SDK1: variants seen among roughly 807,000 people sequenced by gnomAD.
SDK1 encodes protein sidekick-1.
In SDK1, 157 loss-of-function variants were observed where a neutral mutation model predicts 245.5. That is an observed-to-expected ratio of 0.64 (90% CI 0.56 to 0.73). The LOEUF (loss-of-function observed/expected upper bound fraction) is 0.73. Among genes scored for constraint, SDK1 ranks in the 30% least tolerant of loss-of-function variants. SDK1 has a pLI of 0.00. For synonymous variants in SDK1, 1,647 were observed against 1,278.5 expected, an observed-to-expected ratio of 1.29 and a Z score of -6.15; for missense variants, 3,583 against 3,002.3, an observed-to-expected ratio of 1.19 and a Z score of -4.52.
At chr7:3,699,705 G>C (rs1340964171) in intron 4 of SDK1, among the ~76,000 whole-genome samples, 1 of 152,146 alleles carries the variant, frequency 6.6e-6, no homozygotes. Flanking sequence ...AAAGAGGGTA[G>C]AGTTGAAGAA....
intron 4 of SDK1, 133 bp downstream of exon 4, chr7:3,642,238 A>G: frequency 4.2e-6 from 3 of 712,394 alleles, no homozygotes; most frequent in East Asian, 2.9e-5. Flanking sequence ...GTCCTATCCT[A>G]ATTTTTAATA....
At chr7:3,985,700 C>A (rs369100435) in intron 13 of SDK1, among the ~76,000 whole-genome samples, 8 of 152,156 alleles carry the variant, frequency 5.3e-5, no homozygotes, top group African/African-American at 1.9e-4. Flanking sequence ...GAAAACAAGA[C>A]GACATCCTGG....
At chr7:3,952,703 AAG>A (rs1269634395) in intron 7 of SDK1, among the ~76,000 whole-genome samples, 2 of 152,142 alleles carry the variant, frequency 1.3e-5, no homozygotes, top group Non-Finnish European at 2.9e-5. Flanking sequence ...TAAAAAAAAA[AAG>A]AGAACAGAGA....
intron 4 of SDK1, among the ~76,000 whole-genome samples, chr7:3,758,179 C>T (rs913349556): frequency 1.3e-5 from 2 of 152,180 alleles, no homozygotes; most frequent in African/African-American, 2.4e-5. Flanking sequence ...AATAAATATT[C>T]TGAGGGATAT....
chr7:3,332,341 G>T (rs528603398), intron 1 of SDK1, among the ~76,000 whole-genome samples: 2 of 152,168 alleles, frequency 1.3e-5, no homozygotes, highest in East Asian at 3.9e-4. Context: ...TAATGTCAGT[G>T]CCGTCAGTTG....
At chr7:4,113,982 G>A (rs192474845) in intron 24 of SDK1, 55 bp from the exon 25 acceptor site, 18 of 1,494,050 alleles carry the variant, frequency 1.2e-5, no homozygotes, top group African/African-American at 5.5e-5. Flanking sequence ...CTTACAACCC[G>A]TGAGGGTGGC....
chr7:4,114,270 G>C lies in SDK1; in HGVS notation c.3819G>C (p.Glu1273Asp), dbSNP rs1424485417. 1 of 1,598,610 alleles carries C rather than the reference G, an allele frequency of 6.3e-7. No individual in the cohort carries two copies. The highest frequency in any genetic ancestry group is 8.5e-7 in the Non-Finnish European group (1 of 1,173,674). The change falls in exon 25 of 45, where the codon GAG (glutamate) becomes GAC (aspartate). Residue 1273 changes from glutamate to aspartate, a missense_variant. Glu to Asp is a conservative substitution (Grantham distance 45, BLOSUM62 2). Transcript: ENST00000404826. ...AGGTGGTGCGGGGCCGGACGCGGGA[G>C]TCAGGTGAGGGGAAGGCGATTCCCA... ...WSEVVRGRTR[E>D]SVPSAAPENV...
intron 5 of SDK1, among the ~76,000 whole-genome samples, chr7:3,848,221 A>G (rs1261484719): frequency 6.6e-6 from 1 of 152,264 alleles, no homozygotes; most frequent in Non-Finnish European, 1.5e-5. Context: ...TTGGAAACGC[A>G]TCTCTTAACG....
intron 1 of SDK1, among the ~76,000 whole-genome samples, chr7:3,483,141 G>A (rs1403073818): frequency 6.6e-6 from 1 of 152,140 alleles, no homozygotes; most frequent in Non-Finnish European, 1.5e-5. Flanking sequence ...GAAAAATCAT[G>A]TTTGAATTTT....
intron 22 of SDK1, among the ~76,000 whole-genome samples, chr7:4,086,954 C>T (rs956172959): frequency 1.3e-5 from 2 of 151,508 alleles, no homozygotes; most frequent in Admixed American, 6.6e-5. Context: ...ACTTCCCAGA[C>T]ATTGCCAAAT....
intron 19 of SDK1, among the ~76,000 whole-genome samples, chr7:4,059,491 CT>C (rs1478650275): frequency 3.9e-5 from 6 of 152,166 alleles, no homozygotes; most frequent in Non-Finnish European, 7.4e-5. Context: ...TACAATAATA[CT>C]TGGGGACTTT....
chr7:3,917,799 T>C (rs1779437283), intron 5 of SDK1, among the ~76,000 whole-genome samples: 1 of 152,192 alleles, frequency 6.6e-6, no homozygotes, highest in Non-Finnish European at 1.5e-5. Context: ...GCACATTATC[T>C]ACACACATGC....
At chr7:4,187,674 A>T in intron 35 of SDK1, among the ~76,000 whole-genome samples, 1 of 152,214 alleles carries the variant, frequency 6.6e-6, no homozygotes, top group Non-Finnish European at 1.5e-5. Flanking sequence ...ATGTTAGAAG[A>T]GTTTATTCGA....
In SDK1 at chr7:4,247,581, G is replaced by T. The variant is rs147186397; in HGVS notation, c.6381+1776G>T. On this transcript the variant is annotated intron_variant, in intron 44 of 44. Coordinates refer to ENST00000404826, the MANE Select transcript of SDK1 (RefSeq NM_152744.4). ...TCAGCAAAGAGGCTCATCTCACAGC[G>T]CCGGCCTCGGGCCTGTCCCTGCTGC... 3.0e-3 allele frequency among the ~76,000 whole-genome samples: 457 copies of T among 152,352 alleles called. 4 individuals are homozygous for T. The highest frequency in any genetic ancestry group is 0.011 in the African/African-American group (437 of 41,574).
intron 1 of SDK1, among the ~76,000 whole-genome samples, chr7:3,398,739 A>G (rs995575760): frequency 2.7e-5 from 4 of 146,792 alleles, no homozygotes; most frequent in African/African-American, 1.0e-4. Flanking sequence ...ATGAAAGTGT[A>G]TGGGTCCCCT....
intron 1 of SDK1, among the ~76,000 whole-genome samples, chr7:3,399,714 C>T (rs1262139635): frequency 6.6e-6 from 1 of 152,064 alleles, no homozygotes; most frequent in African/African-American, 2.4e-5. Flanking sequence ...TGATTGGACA[C>T]AAATCCCTTT....
At chr7:3,445,732 T>G (rs1277602294) in intron 1 of SDK1, among the ~76,000 whole-genome samples, 1 of 152,170 alleles carries the variant, frequency 6.6e-6, no homozygotes, top group Non-Finnish European at 1.5e-5. Context: ...ATATTTCTTC[T>G]ACACACATTA....
At chr7:3,586,767 A>G (rs554381981) in intron 1 of SDK1, among the ~76,000 whole-genome samples, 2 of 151,560 alleles carry the variant, frequency 1.3e-5, no homozygotes, top group East Asian at 3.9e-4. Context: ...CTAAGGACAG[A>G]GTAGCCTTAA....
At chr7:3,485,683 G>GTGTTTTTTTTT (rs1781665779) in intron 1 of SDK1, among the ~76,000 whole-genome samples, 1 of 38,178 alleles carries the variant, frequency 2.6e-5, no homozygotes, top group Non-Finnish European at 4.5e-5. Context: ...TCTTTGGAGG[G>GTGTTTTTTTTT]TTTTTTTTTT....
Sources: gnomAD v4.1 joint callset for allele counts (sites outside exome capture counted in the v4.1 genomes callset) on GRCh38, gnomAD v4.1.1 for gene constraint, MANE v1.5 for transcripts, NCBI Gene and HGNC (gene_info 2026-07-23, HGNC 2026-07-21) for gene names.